The following TEDC1 variants were observed in gnomAD, a reference collection of about 807,000 sequenced individuals.
The protein encoded by TEDC1 is tubulin epsilon and delta complex protein 1.
In TEDC1, 54 loss-of-function variants were observed where a neutral mutation model predicts 59.9. The observed-to-expected ratio is 0.90, with a 90% CI of 0.72 to 1.13. TEDC1 has a LOEUF of 1.13. TEDC1 is among the 50% of genes most tolerant of loss of function. The pLI is 0.00. For missense variants in TEDC1, 734 were observed against 683.4 expected (o/e 1.07, Z -0.83); for synonymous variants, 353 against 298.1 (o/e 1.18, Z -1.90).
chr14:105,495,513 C>T (rs1441211539), intron 5 of TEDC1: 2 of 240,056 alleles, frequency 8.3e-6, no homozygotes. Flanking sequence ...GGCCCAACCC[C>T]TGACGCCTGC....
chr14:105,497,457 C>T lies in TEDC1; in HGVS notation c.978+14C>T, dbSNP rs368327217. 2,291 of 1,542,396 alleles carry T rather than the reference C, an allele frequency of 1.5e-3. 58 individuals carry two copies. The highest frequency in any genetic ancestry group is 3.3e-4 in the Non-Finnish European group (376 of 1,146,690). ...TGGCGGTGGATGGTGAGGAAGCCCG[C>T]GCATCCCTCTCCCGGCATCCCTTCC... On this transcript the variant is annotated intron_variant, in intron 7 of 8. Coordinates refer to ENST00000392523, the MANE Select transcript of TEDC1 (RefSeq NM_001367178.1).
rs1170841424 is a variant in TEDC1, at chr14:105,491,603, C to G, written c.148-19C>G. The G allele has an allele frequency of 1.4e-5, 21 of 1,549,158 alleles. No individual in the cohort carries two copies. Among genetic ancestry groups the G allele is most frequent in the Non-Finnish European group, 1.7e-5 (20 of 1,146,662 alleles). On this transcript the variant is annotated intron_variant, in intron 1 of 8. Coordinates refer to ENST00000392523, the MANE Select transcript of TEDC1 (RefSeq NM_001367178.1). ...AGTTGGGCCGGCTCCGCTGACCGCC[C>G]GCTTTTTATTTTCCGCAGACCTCCG...
At chr14:105,497,485 C>A in intron 7 of TEDC1, 42 bp downstream of exon 7, 1 of 1,531,592 alleles carries the variant, frequency 6.5e-7, no homozygotes, top group African/African-American at 1.4e-5. Flanking sequence ...TCCCTTCCCA[C>A]AGCAGCCCCC....
chr14:105,494,164 C>T, intron 5 of TEDC1: 1 of 579,178 alleles, frequency 1.7e-6, no homozygotes, highest in East Asian at 2.9e-5. Context: ...CAAGACGTGG[C>T]ACGGGTGGGG....
intron 6 of TEDC1, 66 bp downstream of exon 6, chr14:105,496,152 C>CCCCCCCCCCCGGGGGG: frequency 1.9e-5 from 3 of 157,700 alleles, no homozygotes; most frequent in East Asian, 1.5e-4. Context: ...GAGGGGGTGG[C>CCCCCCCCCCCGGGGGG]GAGGGGGTGT....
Position 105,498,798 on chromosome 14 carries a change from G to C in TEDC1, c.1340G>C (p.Arg447Pro). The change falls in exon 9 of 9, where the codon CGG (arginine) becomes CCG (proline). Residue 447 changes from arginine to proline, a missense_variant. Transcript: ENST00000392523. Reference protein sequence around the residue: ...EDGAAGDRDLRAAVVIRTLRS... With the variant: ...EDGAAGDRDLPAAVVIRTLRS... The stretch of plus-strand genomic sequence containing the variant: ...GGGGCAGCAGGGGACCGGGACCTGC[G>C]GGCAGCTGTGGTGATCAGGACGCTG... 6.3e-7 allele frequency: 1 copy of C among 1,589,138 alleles called. No individual in the cohort carries two copies. Among genetic ancestry groups the C allele is most frequent in the East Asian group, 2.3e-5 (1 of 43,728 alleles).
intron 2 of TEDC1, 145 bp downstream of exon 2, chr14:105,491,845 TC>T: frequency 1.6e-5 from 17 of 1,081,192 alleles, no homozygotes; most frequent in South Asian, 1.2e-4. Flanking sequence ...AACTCCGCCT[TC>T]CCCGGTAAGC....
At chr14:105,495,606 A>G (rs1248007581) in intron 5 of TEDC1, 54 of 409,224 alleles carry the variant, frequency 1.3e-4, no homozygotes, top group African/African-American at 7.7e-4. Flanking sequence ...TGGCGTTGGC[A>G]GTGCTGAGGC....
intron 4 of TEDC1, among the ~76,000 whole-genome samples, chr14:105,493,421 C>T (rs1402471147): frequency 1.3e-5 from 2 of 152,176 alleles, no homozygotes; most frequent in Admixed American, 6.5e-5. Flanking sequence ...ACCTTCCAGC[C>T]TCCCTTTTTT....
At chr14:105,490,054 C>T (rs1275372588), upstream of TEDC1, 2 of 152,202 alleles carry the variant, frequency 1.3e-5, no homozygotes, top group Non-Finnish European at 2.9e-5. Context: ...GTGAGGAGCG[C>T]AGTCCTCCTA....
chr14:105,493,476 C>T lies in TEDC1; in HGVS notation c.586-359C>T, dbSNP rs114752171. Among the ~76,000 whole-genome samples the T allele has an allele frequency of 7.0e-3, 1,073 of 152,278 alleles. 16 individuals carry two copies. Among genetic ancestry groups the T allele is most frequent in the African/African-American group, 0.025 (1,031 of 41,566 alleles). ...CCTAGATCCAAGCAGTCGTTCATGT[C>T]CCCACTGTGAGCCTGGCTGAACTGC... is the stretch of plus-strand genomic sequence containing the variant. On this transcript the variant is annotated intron_variant, in intron 4 of 8. Transcript: ENST00000392523.
At position 105,499,230 on chromosome 14, in the gene TEDC1, G is replaced by A. The variant is rs587617642; in HGVS notation, c.*284G>A. ...AATAAATTGTAGCAGCTTTCCTGCC[G>A]CTGGCCCTCCCCCTGCCACCCTGTC... On this transcript the variant is annotated 3_prime_UTR_variant, in exon 9 of 9. Coordinates refer to ENST00000392523, the MANE Select transcript of TEDC1 (RefSeq NM_001367178.1). 7.8e-5 allele frequency: 41 copies of A among 527,534 alleles called. No homozygotes were observed. The highest frequency in any genetic ancestry group is 3.1e-4 in the Admixed American group (9 of 28,692). The allele number at this position is 527,534 out of a possible 1,614,324, so 32.7% of individuals were successfully genotyped here. A position where few individuals can be genotyped will look rare whatever the true frequency, so the allele number is the denominator to read the frequency against.
chr14:105,492,861 C>A, intron 4 of TEDC1, 127 bp downstream of exon 4: 1 of 1,306,654 alleles, frequency 7.7e-7, no homozygotes, highest in Non-Finnish European at 1.0e-6. Context: ...CCTTCCTGCC[C>A]TGGCTTACCC....
intron 4 of TEDC1, among the ~76,000 whole-genome samples, chr14:105,493,248 G>A (rs1358628657): frequency 2.0e-5 from 3 of 152,062 alleles, no homozygotes; most frequent in East Asian, 1.9e-4. Flanking sequence ...TGTGGCAGCG[G>A]CGGGCTCCCA....
Position 105,491,706 on chromosome 14 carries a change from C to T in TEDC1, c.226+6C>T. On this transcript the variant is annotated splice_donor_region_variant and intron_variant, in intron 2 of 8. Transcript: ENST00000392523. Reference sequence around the variant, plus strand: ...CTTGGCATCGCTCGCCCTGGGTAAGCCCCGCTCCTGGCCCCGCCCACCCGG... The same window carrying T: ...CTTGGCATCGCTCGCCCTGGGTAAGTCCCGCTCCTGGCCCCGCCCACCCGG... 6.5e-7 allele frequency: 1 copy of T among 1,547,160 alleles called. No homozygotes were observed. The highest frequency in any genetic ancestry group is 8.7e-7 in the Non-Finnish European group (1 of 1,146,626).
intron 4 of TEDC1, among the ~76,000 whole-genome samples, chr14:105,493,280 A>T (rs2084259446): frequency 1.3e-5 from 2 of 148,914 alleles, no homozygotes. Flanking sequence ...CTCCTTGGAG[A>T]CCCCCCCATC....
intron 8 of TEDC1, 131 bp downstream of exon 8, chr14:105,498,108 A>C (rs2084388840): frequency 5.1e-6 from 6 of 1,179,302 alleles, no homozygotes; most frequent in Non-Finnish European, 6.8e-6. Flanking sequence ...ACTTAGAGGC[A>C]CGTACCCTGA....
chr14:105,494,768 ATCCT>A (rs1157577752), intron 5 of TEDC1: 4 of 151,970 alleles, frequency 2.6e-5, no homozygotes, highest in Non-Finnish European at 5.9e-5. Context: ...TTCCATCCTC[ATCCT>A]TCTTTCTGGG....
At chr14:105,493,974 T>TG (rs781991381) in intron 5 of TEDC1, 41 bp downstream of exon 5, 5 of 167,712 alleles carry the variant, frequency 3.0e-5, no homozygotes, top group Middle Eastern at 1.6e-3. Context: ...GGGGGTGGGC[T>TG]GGGGGGCACA....
Sources: gnomAD v4.1 joint callset for allele counts (sites outside exome capture counted in the v4.1 genomes callset) on GRCh38, gnomAD v4.1.1 for gene constraint, MANE v1.5 for transcripts, NCBI Gene and HGNC (gene_info 2026-07-23, HGNC 2026-07-21) for gene names.